The following SYNPR variants were observed in gnomAD, a reference collection of about 807,000 sequenced individuals.
SYNPR encodes synaptoporin.
Under a neutral mutation model 32.9 loss-of-function variants are expected in SYNPR, and 23 were observed. That is an observed-to-expected ratio of 0.70 (90% CI 0.50 to 0.99). SYNPR has a LOEUF of 0.99. Among genes scored for constraint, SYNPR ranks in the 50% least tolerant of loss-of-function variants. The pLI is 0.00. For synonymous variants in SYNPR, 146 were observed against 135.9 expected (o/e 1.07, Z -0.52); for missense variants, 318 against 349.3 (o/e 0.91, Z 0.71).
chr3:63,364,997 G>C (rs2087714449), intron 2 of SYNPR, among the ~76,000 whole-genome samples: 1 of 152,124 alleles, frequency 6.6e-6, no homozygotes, highest in African/African-American at 2.4e-5. Flanking sequence ...AAAGATAAAT[G>C]AAAAGGTTGA....
intron 2 of SYNPR, among the ~76,000 whole-genome samples, chr3:63,357,204 G>T (rs1170640710): frequency 6.6e-6 from 1 of 152,100 alleles, no homozygotes; most frequent in East Asian, 1.9e-4. Flanking sequence ...TACGTGTAAG[G>T]TGAGCTCCAC....
chr3:63,545,195 G>A (rs1345519573), intron 3 of SYNPR, among the ~76,000 whole-genome samples: 2 of 152,040 alleles, frequency 1.3e-5, no homozygotes, highest in Non-Finnish European at 2.9e-5. Context: ...AATGGGTAGA[G>A]GGAGGAATTG....
At chr3:63,576,882 C>G (rs1306241331) in intron 4 of SYNPR, among the ~76,000 whole-genome samples, 1 of 151,898 alleles carries the variant, frequency 6.6e-6, no homozygotes, top group Admixed American at 6.6e-5. Context: ...ACATGTTGAC[C>G]AGGACAAAGG....
At chr3:63,304,348 G>T (rs989582454) in intron 2 of SYNPR, among the ~76,000 whole-genome samples, 2 of 136,514 alleles carry the variant, frequency 1.5e-5, no homozygotes, top group Admixed American at 7.3e-5. Context: ...GAAAGTGTGT[G>T]TGTGTTTGTG....
intron 4 of SYNPR, among the ~76,000 whole-genome samples, chr3:63,580,992 G>A (rs1703079860): frequency 1.3e-5 from 2 of 152,124 alleles, no homozygotes; most frequent in South Asian, 4.1e-4. Context: ...TAGGGATCTT[G>A]GCTAAAGCCA....
chr3:63,318,186 A>T (rs1293557283), intron 2 of SYNPR, among the ~76,000 whole-genome samples: 4 of 151,928 alleles, frequency 2.6e-5, no homozygotes, highest in Non-Finnish European at 5.9e-5. Flanking sequence ...AGCTTTTAAG[A>T]TTCTTTCCTT....
chr3:63,577,000 T>C (rs1702994161), intron 4 of SYNPR, among the ~76,000 whole-genome samples: 1 of 152,054 alleles, frequency 6.6e-6, no homozygotes, highest in South Asian at 2.1e-4. Context: ...CAGTTTTTAA[T>C]CTCTGGTCTA....
intron 1 of SYNPR, among the ~76,000 whole-genome samples, chr3:63,248,265 G>C (rs1367887360): frequency 6.6e-6 from 1 of 152,112 alleles, no homozygotes; most frequent in Non-Finnish European, 1.5e-5. Flanking sequence ...CTCTGAACAT[G>C]AGGCTCCATT....
chr3:63,419,536 GT>G (rs1319859636), intron 2 of SYNPR, among the ~76,000 whole-genome samples: 1 of 152,032 alleles, frequency 6.6e-6, no homozygotes, highest in African/African-American at 2.4e-5. Flanking sequence ...AAAATATAAA[GT>G]TTTTTATTTT....
At chr3:63,565,235 TG>T (rs776170392) in intron 4 of SYNPR, among the ~76,000 whole-genome samples, 1 of 152,184 alleles carries the variant, frequency 6.6e-6, no homozygotes, top group Non-Finnish European at 1.5e-5. Context: ...GTGACAATTT[TG>T]CCCCTGACTC....
intron 3 of SYNPR, among the ~76,000 whole-genome samples, chr3:63,538,087 T>C: frequency 6.6e-6 from 1 of 152,088 alleles, no homozygotes; most frequent in East Asian, 1.9e-4. Context: ...CACTGTGGTT[T>C]GAAACATTTG....
At chr3:63,321,788 A>G (rs970166809) in intron 2 of SYNPR, among the ~76,000 whole-genome samples, 2 of 152,060 alleles carry the variant, frequency 1.3e-5, no homozygotes, top group Non-Finnish European at 2.9e-5. Flanking sequence ...TGAGTAGCCA[A>G]TATAAACACA....
intron 3 of SYNPR, among the ~76,000 whole-genome samples, chr3:63,533,663 C>G (rs113379850): frequency 4.6e-5 from 7 of 152,250 alleles, no homozygotes; most frequent in African/African-American, 1.7e-4. Context: ...GGCACATGTA[C>G]AGTGGAAACT....
Position 63,615,416 on chromosome 3 carries a change from G to A in SYNPR, c.793G>A (p.Gly265Arg). The change falls in exon 6 of 6, where the codon GGG becomes AGG. Residue 265 changes from glycine (G) to arginine (R), a missense_variant. Gly to Arg is a moderately radical substitution (Grantham distance 125). Transcript: ENST00000478300. Reference protein sequence around the residue: ...SSGYSQQASLGPTSDEFGQQP... With the variant: ...SSGYSQQASLRPTSDEFGQQP... Reference sequence around the variant, plus strand: ...TGGGTACAGTCAGCAGGCGAGTTTGGGGCCAACCTCAGATGAGTTTGGCCA... The same window carrying A: ...TGGGTACAGTCAGCAGGCGAGTTTGAGGCCAACCTCAGATGAGTTTGGCCA... The A allele has an allele frequency of 5.0e-6, 8 of 1,613,872 alleles. No individual in the cohort carries two copies. Among genetic ancestry groups the A allele is most frequent in the Non-Finnish European group, 6.8e-6 (8 of 1,179,860 alleles).
chr3:63,245,348 T>C (rs1272031121), intron 1 of SYNPR, among the ~76,000 whole-genome samples: 1 of 35,880 alleles, frequency 2.8e-5, no homozygotes, highest in Non-Finnish European at 8.2e-5. Flanking sequence ...AATCTGTCAT[T>C]GACTATAATA....
At chr3:63,519,709 A>C (rs893836500) in intron 3 of SYNPR, among the ~76,000 whole-genome samples, 3 of 152,238 alleles carry the variant, frequency 2.0e-5, no homozygotes, top group Non-Finnish European at 4.4e-5. Flanking sequence ...TTTTACATCT[A>C]TTCCCCAAAC....
intron 4 of SYNPR, among the ~76,000 whole-genome samples, chr3:63,564,004 C>T (rs1339381625): frequency 1.3e-5 from 2 of 148,354 alleles, no homozygotes; most frequent in African/African-American, 4.9e-5. Flanking sequence ...AACTCGAGAG[C>T]ATCTTGAGGT....
Position 63,260,651 on chromosome 3 carries a change from A to G in SYNPR, n.155-6666A>G, listed in dbSNP as rs572913705. ...AAACCTAGGCAATACCATTCAGGAC[A>G]TAGGCATGGGCAAAGACTTCATGTC... is the stretch of plus-strand genomic sequence containing the variant. On this transcript the variant is annotated intron_variant and non_coding_transcript_variant, in intron 2 of 4. Coordinates refer to the SYNPR transcript ENST00000478456. Among the ~76,000 whole-genome samples, 423 of 152,338 alleles carry G rather than the reference A, an allele frequency of 2.8e-3. 5 individuals are homozygous for G. The highest frequency in any genetic ancestry group is 9.8e-3 in the African/African-American group (408 of 41,586).
At chr3:63,228,855 C>G (rs2086148276) in intron 1 of SYNPR, among the ~76,000 whole-genome samples, 1 of 151,552 alleles carries the variant, frequency 6.6e-6, no homozygotes, top group African/African-American at 2.4e-5. Flanking sequence ...GCTTTCACGC[C>G]ATCTGAGACC....
Sources: allele counts gnomAD v4.1 joint callset (sites outside exome capture counted in the v4.1 genomes callset), GRCh38; gene constraint gnomAD v4.1.1; transcripts MANE v1.5; gene names NCBI Gene and HGNC (gene_info 2026-07-23, HGNC 2026-07-21).